The following MYT1L variants were observed in gnomAD, a reference collection of about 807,000 sequenced individuals.
MYT1L encodes the protein myelin transcription factor 1-like protein.
In MYT1L, 12 loss-of-function variants were observed where a neutral mutation model predicts 126.7. That is an observed-to-expected ratio of 0.09 (90% CI 0.06 to 0.15). MYT1L has a LOEUF of 0.15. Among genes scored for constraint, MYT1L ranks in the 10% least tolerant of loss-of-function variants. MYT1L has a pLI of 1.00. For synonymous variants in MYT1L, 541 were observed against 604.2 expected, an observed-to-expected ratio of 0.90 and a Z score of 1.53; for missense variants, 979 against 1,585.2, an observed-to-expected ratio of 0.62 and a Z score of 6.49.
At chr2:2,078,905 C>T (rs970079030) in intron 3 of MYT1L, among the ~76,000 whole-genome samples, 1 of 152,134 alleles carries the variant, frequency 6.6e-6, no homozygotes, top group African/African-American at 2.4e-5. Context: ...AAATTCTAAC[C>T]CCCAAGGTAA....
rs184813548 is a variant in MYT1L, at chr2:2,102,180, T to C, written c.-303-48057A>G. 5.6e-3 allele frequency among the ~76,000 whole-genome samples: 852 copies of C among 152,324 alleles called. 5 individuals are homozygous for C. The highest frequency in any genetic ancestry group is 0.02 in the African/African-American group (816 of 41,574). On this transcript the variant is annotated intron_variant, in intron 3 of 24. Coordinates refer to ENST00000647738, the MANE Select transcript of MYT1L (RefSeq NM_001303052.2). ...TTCTTGTGGCCTTCTGAGCTTTTTTTTATGTAAGAAATTATATATGTTTTG... is the reference window on the plus strand; with the variant it reads ...TTCTTGTGGCCTTCTGAGCTTTTTTCTATGTAAGAAATTATATATGTTTTG...
intron 1 of MYT1L, among the ~76,000 whole-genome samples, chr2:2,321,904 T>G (rs2096174033): frequency 6.6e-6 from 1 of 152,116 alleles, no homozygotes. Flanking sequence ...AGTCCTAAAG[T>G]TCTTTCAACT....
chr2:2,004,766 ACGTTCTTTCCTGCAGG>A (rs747554679), intron 4 of MYT1L, among the ~76,000 whole-genome samples: 15 of 109,448 alleles, frequency 1.4e-4, no homozygotes, highest in African/African-American at 2.6e-4. Flanking sequence ...TTTCCTGAAT[ACGTTCTTTCCTGCAGG>A]CATTCTTTCC....
At chr2:2,303,776 T>C (rs1178245668) in intron 1 of MYT1L, 1 of 152,206 alleles carries the variant, frequency 6.6e-6, no homozygotes, top group Non-Finnish European at 1.5e-5. Flanking sequence ...CAGTTCATAG[T>C]TGTGTTATAA....
At chr2:1,861,931 G>A (rs77042905) in intron 18 of MYT1L, among the ~76,000 whole-genome samples, 1,837 of 29,112 alleles carry the variant, frequency 0.063, no homozygotes, top group East Asian at 0.11. Context: ...CCTGCAGCCT[G>A]TGTAATCCTG....
At chr2:1,907,714 C>T (rs574923508) in intron 13 of MYT1L, among the ~76,000 whole-genome samples, 6 of 152,380 alleles carry the variant, frequency 3.9e-5, no homozygotes, top group South Asian at 2.1e-4. Context: ...CTTTTTGAAT[C>T]GTAACTAGTT....
intron 2 of MYT1L, among the ~76,000 whole-genome samples, chr2:2,264,227 G>C (rs1342127648): frequency 1.3e-5 from 2 of 152,092 alleles, no homozygotes; most frequent in Non-Finnish European, 2.9e-5. Context: ...AAGTCTGACT[G>C]GCAAGGACTA....
intron 3 of MYT1L, among the ~76,000 whole-genome samples, chr2:2,159,115 G>A (rs1224705393): frequency 6.6e-6 from 1 of 152,134 alleles, no homozygotes; most frequent in East Asian, 1.9e-4. Flanking sequence ...CAGCCGGCAC[G>A]GGGACATGTG....
At chr2:1,907,781 C>T (rs1033593555) in intron 13 of MYT1L, among the ~76,000 whole-genome samples, 8 of 152,236 alleles carry the variant, frequency 5.3e-5, no homozygotes, top group African/African-American at 1.9e-4. Context: ...CTTCCTTTTC[C>T]ACTGAAAGAG....
intron 2 of MYT1L, among the ~76,000 whole-genome samples, chr2:2,269,118 G>A (rs550190218): frequency 2.2e-4 from 33 of 152,278 alleles, no homozygotes; most frequent in Non-Finnish European, 4.0e-4. Context: ...GCCTCCCAAG[G>A]CCATCTATCG....
At chr2:2,104,680 C>T (rs892614861) in intron 3 of MYT1L, among the ~76,000 whole-genome samples, 1 of 152,240 alleles carries the variant, frequency 6.6e-6, no homozygotes, top group African/African-American at 2.4e-5. Context: ...GGCCATCCCT[C>T]TCCAGTTGTA....
intron 2 of MYT1L, among the ~76,000 whole-genome samples, chr2:2,175,551 C>T (rs897109331): frequency 7.2e-5 from 11 of 152,106 alleles, no homozygotes; most frequent in Admixed American, 2.0e-4. Context: ...CAGCAAGAAC[C>T]AGACAAATGC....
rs2034876447 is a variant in MYT1L at position 1,801,606 on chromosome 2, A to G, written c.3276+90T>C. On this transcript the variant is annotated intron_variant, in intron 23 of 24. Transcript: ENST00000647738. The surrounding 1 kb of genome is among the most constrained non-coding windows in gnomAD (Gnocchi z 4.2). ...ATAAAAGAGCAAATAAGAGGAAACG[A>G]CAGCTCTCCTAAAAGCTGATTTCAT... is the stretch of plus-strand genomic sequence containing the variant. The G allele has an allele frequency of 2.5e-6, 2 of 784,566 alleles. No homozygotes were observed. Among genetic ancestry groups the G allele is most frequent in the East Asian group, 2.5e-5 (1 of 39,928 alleles). 48.6% of individuals were successfully genotyped at this position (784,566 alleles called of 1,614,324 possible).
At chr2:2,039,334 T>C (rs2067249489) in intron 4 of MYT1L, among the ~76,000 whole-genome samples, 1 of 151,996 alleles carries the variant, frequency 6.6e-6, no homozygotes, top group African/African-American at 2.4e-5. Context: ...GCCCAGAAAT[T>C]TGAGGCTACA....
chr2:1,853,693 A>G (rs1205690815), intron 18 of MYT1L, among the ~76,000 whole-genome samples: 1 of 152,250 alleles, frequency 6.6e-6, no homozygotes, highest in Non-Finnish European at 1.5e-5. Context: ...AAAGAAAAAG[A>G]TTCTTAAACT....
At chr2:1,913,771 G>A (rs1470326460) in intron 11 of MYT1L, among the ~76,000 whole-genome samples, 1 of 152,142 alleles carries the variant, frequency 6.6e-6, no homozygotes, top group African/African-American at 2.4e-5. Flanking sequence ...CTCTCCTGCT[G>A]TGTGGGAATG....
At chr2:2,192,152 T>C (rs951656300) in intron 2 of MYT1L, among the ~76,000 whole-genome samples, 8 of 152,306 alleles carry the variant, frequency 5.3e-5, no homozygotes, top group African/African-American at 1.9e-4. Context: ...TTCCCATAGA[T>C]TGTGAATTTC....
intron 9 of MYT1L, among the ~76,000 whole-genome samples, chr2:1,930,232 T>C (rs1443454979): frequency 1.5e-4 from 23 of 152,184 alleles, no homozygotes; most frequent in Non-Finnish European, 1.5e-5. Flanking sequence ...CCTCAATACC[T>C]GTCACTTGAT....
intron 13 of MYT1L, among the ~76,000 whole-genome samples, chr2:1,903,611 A>T (rs575949757): frequency 3.3e-5 from 5 of 152,252 alleles, no homozygotes; most frequent in Admixed American, 3.3e-4. Flanking sequence ...GAGGATGGGG[A>T]CAATTCCAGT....
Sources: gnomAD v4.1 joint callset for allele counts (sites outside exome capture counted in the v4.1 genomes callset) on GRCh38, gnomAD v4.1.1 for gene constraint, Gnocchi (gnomAD v3.1) non-coding constraint, MANE v1.5 for transcripts, NCBI Gene and HGNC (gene_info 2026-07-23, HGNC 2026-07-21) for gene names.